The following WWC2 variants were observed in gnomAD, a reference collection of about 807,000 sequenced individuals.
WWC2 encodes protein WWC2.
Under a neutral mutation model 138.5 loss-of-function variants are expected in WWC2, and 101 were observed. The observed-to-expected ratio is 0.73, with a 90% CI of 0.62 to 0.86. The LOEUF (loss-of-function observed/expected upper bound fraction) is 0.86. WWC2 is among the 40% of genes least tolerant of loss of function. WWC2 has a pLI of 0.00. For synonymous variants in WWC2, 558 were observed against 538.4 expected (o/e 1.04, Z -0.50); for missense variants, 1,420 against 1,419.4 (o/e 1.00, Z -0.01).
intron 21 of WWC2, among the ~76,000 whole-genome samples, chr4:183,296,117 G>T (rs1386430348): frequency 6.6e-6 from 1 of 152,264 alleles, no homozygotes; most frequent in Non-Finnish European, 1.5e-5. Context: ...CTCAGAGCCA[G>T]TGTCTTCATA....
intron 21 of WWC2, among the ~76,000 whole-genome samples, chr4:183,299,787 T>G (rs1196336429): frequency 6.6e-6 from 1 of 152,104 alleles, no homozygotes; most frequent in Non-Finnish European, 1.5e-5. Flanking sequence ...TGGGGATTTG[T>G]GAGGTTTTCA....
chr4:183,260,581 ACAG>A (rs1737291286), intron 10 of WWC2, among the ~76,000 whole-genome samples: 1 of 152,230 alleles, frequency 6.6e-6, no homozygotes, highest in Non-Finnish European at 1.5e-5. Context: ...AGTATTCAGA[ACAG>A]CAACTGCTGT....
At chr4:183,120,242 A>G (rs1004202583) in intron 1 of WWC2, among the ~76,000 whole-genome samples, 2 of 152,264 alleles carry the variant, frequency 1.3e-5, no homozygotes, top group Non-Finnish European at 2.9e-5. Context: ...GGGAATGTAT[A>G]TAAATTTTAT....
At chr4:183,204,868 T>C (rs1735401944) in intron 2 of WWC2, among the ~76,000 whole-genome samples, 1 of 152,216 alleles carries the variant, frequency 6.6e-6, no homozygotes, top group African/African-American at 2.4e-5. Flanking sequence ...ATACAGCATG[T>C]GGTCTTTTGT....
Position 183,245,577 on chromosome 4 carries a change from T to A in WWC2, c.732+32T>A, listed in dbSNP as rs371514686. 6 of 1,535,812 alleles carry A rather than the reference T, an allele frequency of 3.9e-6. No homozygotes were observed. In the African/African-American group the frequency reaches 7.0e-5, roughly 18 times the overall value. On this transcript the variant is annotated intron_variant, in intron 6 of 22. Transcript: ENST00000403733. ...TATAAAACATTTTGTTAAGCCAAAC[T>A]TCTACCTTCTGAGGCCCCCAGAAAC...
At chr4:183,196,573 T>A (rs1304075777) in intron 2 of WWC2, among the ~76,000 whole-genome samples, 4 of 152,236 alleles carry the variant, frequency 2.6e-5, no homozygotes, top group African/African-American at 9.6e-5. Context: ...AGAGTCCAGA[T>A]GCATGTGTTC....
In WWC2 at chr4:183,156,268, C is replaced by T. The variant is rs189873282; in HGVS notation, c.132-37331C>T. On this transcript the variant is annotated intron_variant, in intron 1 of 22. Transcript: ENST00000403733. ...CTCGAACTCTTGACCTCTGGTGATCCGCCTACCTCAGCCTCCTAAAGTGTT... is the reference window on the plus strand; with the variant it reads ...CTCGAACTCTTGACCTCTGGTGATCTGCCTACCTCAGCCTCCTAAAGTGTT... 4.3e-3 allele frequency among the ~76,000 whole-genome samples: 656 copies of T among 151,756 alleles called. 3 individuals carry two copies. Among genetic ancestry groups the T allele is most frequent in the African/African-American group, 0.015 (618 of 41,376 alleles).
intron 4 of WWC2, among the ~76,000 whole-genome samples, chr4:183,230,275 A>G (rs1736203511): frequency 6.6e-6 from 1 of 152,086 alleles, no homozygotes; most frequent in South Asian, 2.1e-4. Flanking sequence ...GAAAAACTTA[A>G]AGCTTTAAAT....
intron 17 of WWC2, chr4:183,281,316 C>T (rs1738068612): frequency 5.1e-6 from 1 of 194,400 alleles, no homozygotes; most frequent in Non-Finnish European, 1.0e-5. Context: ...TCTGAGTACT[C>T]ATTTCTCTGT....
chr4:183,189,431 A>G (rs942458728), intron 1 of WWC2, among the ~76,000 whole-genome samples: 7 of 150,440 alleles, frequency 4.7e-5, no homozygotes, highest in Non-Finnish European at 7.4e-5. Flanking sequence ...AGCGAGACTC[A>G]GTCTCAAAAA....
intron 1 of WWC2, among the ~76,000 whole-genome samples, chr4:183,146,492 T>A (rs1296697178): frequency 1.3e-5 from 2 of 152,244 alleles, no homozygotes; most frequent in Non-Finnish European, 2.9e-5. Flanking sequence ...GACAATGAGA[T>A]GTATGAAATT....
chr4:183,277,226 C>T (rs1360807446), intron 16 of WWC2, among the ~76,000 whole-genome samples: 7 of 148,446 alleles, frequency 4.7e-5, no homozygotes, highest in East Asian at 2.0e-4. Context: ...TGAGAATATG[C>T]GGTGTTTGGT....
rs1732590321 is a variant in WWC2 at position 183,121,224 on chromosome 4, CA to C, written c.131+21603del. On this transcript the variant is annotated intron_variant, in intron 1 of 22. Coordinates refer to ENST00000403733, the MANE Select transcript of WWC2 (RefSeq NM_024949.6). Reference sequence around the variant, plus strand: ...TATCTCAAAAAAAAAAAAAAAGTAACATTGTGGAGGAAAATAATTAAATTGT... The same window carrying C: ...TATCTCAAAAAAAAAAAAAAAGTAACTTGTGGAGGAAAATAATTAAATTGT... Among the ~76,000 whole-genome samples the C allele has an allele frequency of 2.7e-5, 4 of 150,128 alleles. No individual in the cohort carries two copies. In the South Asian group the frequency reaches 8.4e-4, roughly 32 times the overall value.
chr4:183,153,326 C>G (rs2111121774), intron 1 of WWC2, among the ~76,000 whole-genome samples: 1 of 152,280 alleles, frequency 6.6e-6, no homozygotes, highest in Admixed American at 6.5e-5. Context: ...GTAGGAGATT[C>G]AAGTAGGGCT....
intron 1 of WWC2, among the ~76,000 whole-genome samples, chr4:183,152,500 TAAAAAAA>T (rs1007359217): frequency 3.2e-5 from 4 of 125,006 alleles, no homozygotes; most frequent in African/African-American, 9.2e-5. Flanking sequence ...CCCTGCCTCT[TAAAAAAA>T]AGAAAAAAGG....
chr4:183,145,384 A>C (rs2111104726), intron 1 of WWC2, among the ~76,000 whole-genome samples: 1 of 152,300 alleles, frequency 6.6e-6, no homozygotes, highest in South Asian at 2.1e-4. Context: ...AACAGTATTA[A>C]AGAAGAGTTT....
intron 14 of WWC2, among the ~76,000 whole-genome samples, chr4:183,267,184 A>C (rs1580127965): frequency 6.6e-6 from 1 of 152,048 alleles, no homozygotes; most frequent in East Asian, 1.9e-4. Context: ...TGTGTTGACA[A>C]GCATCAAAGC....
chr4:183,316,970 C>G lies in WWC2; in HGVS notation c.*1241C>G, dbSNP rs1208278984. ...GTTTAGAATTTCACCTTACCCGACCCAGGCACTTCTTAAAAACACAGATCC... is the reference window on the plus strand; with the variant it reads ...GTTTAGAATTTCACCTTACCCGACCGAGGCACTTCTTAAAAACACAGATCC... On this transcript the variant is annotated 3_prime_UTR_variant, in exon 23 of 23. Coordinates refer to ENST00000403733, the MANE Select transcript of WWC2 (RefSeq NM_024949.6). 1 of 152,142 alleles carries G rather than the reference C, an allele frequency of 6.6e-6. No individual in the cohort carries two copies. The highest frequency in any genetic ancestry group is 1.5e-5 in the Non-Finnish European group (1 of 68,030). 9.4% of individuals were successfully genotyped at this position (152,142 alleles called of 1,614,324 possible).
At position 183,153,667 on chromosome 4, in the gene WWC2, A is replaced by G. The variant is rs146267128; in HGVS notation, c.132-39932A>G. ...AGTCTTTTTTTTTTTTTTTTTGGTA[A>G]GACATGGTTTTTCTGTCACCCAGGT... On this transcript the variant is annotated intron_variant, in intron 1 of 22. Transcript: ENST00000403733. 2.1e-3 allele frequency among the ~76,000 whole-genome samples: 304 copies of G among 141,554 alleles called. 1 individual carries two copies. The highest frequency in any genetic ancestry group is 8.0e-3 in the African/African-American group (284 of 35,542). The allele number at this position is 141,554 out of a possible 152,430, so 92.9% of individuals were successfully genotyped here.
Sources: gnomAD v4.1 joint callset for allele counts (sites outside exome capture counted in the v4.1 genomes callset) on GRCh38, gnomAD v4.1.1 for gene constraint, MANE v1.5 for transcripts, NCBI Gene and HGNC (gene_info 2026-07-23, HGNC 2026-07-21) for gene names.